KCTD4: variants seen among roughly 807,000 people sequenced by gnomAD.
KCTD4 encodes the protein potassium channel tetramerization domain containing 4.
A neutral mutation model predicts 18.3 loss-of-function variants in KCTD4; 12 were observed. The observed-to-expected ratio is 0.66, with a 90% CI of 0.42 to 1.06. The LOEUF is 1.06. KCTD4 is among the 50% of genes least tolerant of loss of function. The pLI is 0.00. For missense variants in KCTD4, 250 were observed against 303.4 expected (o/e 0.82, Z 1.31); for synonymous variants, 124 against 110.5 (o/e 1.12, Z -0.76).
intron 1 of KCTD4, among the ~76,000 whole-genome samples, chr13:45,200,466 C>T (rs1014975702): frequency 1.3e-5 from 2 of 152,128 alleles, no homozygotes; most frequent in African/African-American, 4.8e-5. Flanking sequence ...CCCACCATAC[C>T]TGGCTAACTT....
rs1037100601 is a variant in KCTD4 at position 45,194,678 on chromosome 13, A to G, written c.-111T>C. ...AGCCCCAGCCTGGTGATGGAATGGA[A>G]ACGCTGGCAGCATCGCCTGCGCTGT... On this transcript the variant is annotated 5_prime_UTR_variant, in exon 2 of 2. Transcript: ENST00000379108. 1.0e-6 allele frequency: 1 copy of G among 1,000,630 alleles called. No homozygotes were observed. The highest frequency in any genetic ancestry group is 1.6e-5 in the African/African-American group (1 of 62,054). 62.0% of individuals were successfully genotyped at this position (1,000,630 alleles called of 1,614,324 possible). A position where few individuals can be genotyped will look rare whatever the true frequency, so the allele number is the denominator to read the frequency against.
intron 1 of KCTD4, among the ~76,000 whole-genome samples, chr13:45,198,759 T>C (rs1395657825): frequency 1.3e-5 from 2 of 152,044 alleles, no homozygotes; most frequent in Non-Finnish European, 2.9e-5. Context: ...TTTCACAAGC[T>C]GAGTTTCTTT....
At chr13:45,198,030 CTCTT>C (rs1171671335) in intron 1 of KCTD4, among the ~76,000 whole-genome samples, 4 of 152,202 alleles carry the variant, frequency 2.6e-5, no homozygotes, top group African/African-American at 9.7e-5. Context: ...AGTACCTTAA[CTCTT>C]TATTAGAGTT....
intron 1 of KCTD4, among the ~76,000 whole-genome samples, chr13:45,197,480 G>T (rs1269128136): frequency 6.8e-6 from 1 of 147,260 alleles, no homozygotes; most frequent in Non-Finnish European, 1.5e-5. Context: ...CTGCACTCCA[G>T]TCTGGGCAAC....
chr13:45,196,065 G>A (rs1306773478), intron 1 of KCTD4, among the ~76,000 whole-genome samples: 1 of 152,116 alleles, frequency 6.6e-6, no homozygotes, highest in African/African-American at 2.4e-5. Context: ...CTTCTAAAAT[G>A]CATACTTCTT....
Position 45,194,708 on chromosome 13 carries a change from T to C in KCTD4, c.-141A>G. ...TGGCAGCATCGCCTGCGCTGTCAGC[T>C]CGGTTTTGCAGTAGGTGGCGTATCA... On this transcript the variant is annotated 5_prime_UTR_variant, in exon 2 of 2. Coordinates refer to ENST00000379108, the MANE Select transcript of KCTD4 (RefSeq NM_198404.3). The C allele has an allele frequency of 1.3e-6, 1 of 748,654 alleles. No individual in the cohort carries two copies. The highest frequency in any genetic ancestry group is 2.2e-6 in the Non-Finnish European group (1 of 450,590). 46.4% of individuals were successfully genotyped at this position (748,654 alleles called of 1,614,324 possible). A position where few individuals can be genotyped will look rare whatever the true frequency, so the allele number is the denominator to read the frequency against.
intron 1 of KCTD4, among the ~76,000 whole-genome samples, chr13:45,195,395 G>C (rs1872840153): frequency 6.6e-6 from 1 of 152,084 alleles, no homozygotes; most frequent in African/African-American, 2.4e-5. Flanking sequence ...CTTCTGTGCT[G>C]AACAAAGACT....
intron 1 of KCTD4, among the ~76,000 whole-genome samples, chr13:45,199,092 CTG>C (rs1873046063): frequency 6.6e-6 from 1 of 152,248 alleles, no homozygotes; most frequent in Non-Finnish European, 1.5e-5. Flanking sequence ...ATCTCACAAA[CTG>C]TGCCAAGTAC....
chr13:45,200,530 G>A (rs953540760), intron 1 of KCTD4, among the ~76,000 whole-genome samples: 3 of 152,128 alleles, frequency 2.0e-5, no homozygotes, highest in African/African-American at 7.2e-5. Flanking sequence ...CTGGGCTCAA[G>A]CTATGCTGCT....
intron 1 of KCTD4, among the ~76,000 whole-genome samples, chr13:45,198,162 G>T (rs1460894414): frequency 6.6e-6 from 1 of 152,136 alleles, no homozygotes; most frequent in Non-Finnish European, 1.5e-5. Context: ...CTAAACTCTG[G>T]CAGAACCTTC....
rs527784178 is a variant in KCTD4 at position 45,194,726 on chromosome 13, G to T, written c.-159C>A. ...TGTCAGCTCGGTTTTGCAGTAGGTG[G>T]CGTATCAGCCTATGTATGCAGGAGC... On this transcript the variant is annotated 5_prime_UTR_variant, in exon 2 of 2. Coordinates refer to ENST00000379108, the MANE Select transcript of KCTD4 (RefSeq NM_198404.3). The T allele has an allele frequency of 4.6e-6, 3 of 654,972 alleles. 1 individual carries two copies. In the Middle Eastern group the frequency reaches 1.3e-3, roughly 278 times the overall value. 40.6% of individuals were successfully genotyped at this position (654,972 alleles called of 1,614,324 possible). A position where few individuals can be genotyped will look rare whatever the true frequency, so the allele number is the denominator to read the frequency against.
chr13:45,199,899 G>A (rs1224531274), intron 1 of KCTD4, among the ~76,000 whole-genome samples: 1 of 152,208 alleles, frequency 6.6e-6, no homozygotes, highest in African/African-American at 2.4e-5. Flanking sequence ...GTGGAGAAGA[G>A]AGAAGAGGAT....
intron 1 of KCTD4, among the ~76,000 whole-genome samples, chr13:45,200,598 T>G (rs921679749): frequency 6.6e-6 from 1 of 152,184 alleles, no homozygotes; most frequent in Non-Finnish European, 1.5e-5. Flanking sequence ...GTGGCAAAAT[T>G]CCTGAAGATC....
At chr13:45,200,266 A>G (rs1473076983) in intron 1 of KCTD4, among the ~76,000 whole-genome samples, 1 of 152,174 alleles carries the variant, frequency 6.6e-6, no homozygotes, top group Non-Finnish European at 1.5e-5. Flanking sequence ...AGGGAGAGAC[A>G]AAACAATGTG....
At chr13:45,198,079 A>G (rs1237976282) in intron 1 of KCTD4, among the ~76,000 whole-genome samples, 4 of 152,218 alleles carry the variant, frequency 2.6e-5, no homozygotes, top group East Asian at 3.8e-4. Context: ...TTAATCATAT[A>G]TAACCAACTT....
In KCTD4 at chr13:45,195,210, C is replaced by T. The variant is rs533625030; in HGVS notation, c.-187-456G>A. On this transcript the variant is annotated intron_variant, in intron 1 of 1. Transcript: ENST00000379108. ...AATTTAATTGGATTTGCATATGATT[C>T]TGATTTGGAGATCTATGTTAAAGGA... Among the ~76,000 whole-genome samples, 6 of 152,008 alleles carry T rather than the reference C, an allele frequency of 3.9e-5. No homozygotes were observed. In the South Asian group the frequency reaches 1.2e-3, roughly 32 times the overall value.
rs1593488075 is a variant in KCTD4 at position 45,200,953 on chromosome 13, A to C, written c.-317T>G. 6.6e-6 allele frequency among the ~76,000 whole-genome samples: 1 copy of C among 152,324 alleles called. No homozygotes were observed. The highest frequency in any genetic ancestry group is 1.9e-4 in the East Asian group (1 of 5,186). On this transcript the variant is annotated 5_prime_UTR_variant, in exon 1 of 2. Coordinates refer to ENST00000379108, the MANE Select transcript of KCTD4 (RefSeq NM_198404.3). ...GGAGGATCAGCCTGAAATGTTGGTC[A>C]GTAGTCCTCTGGTCTGGGTTTTTAC...
At position 45,194,247 on chromosome 13, in the gene KCTD4, A is replaced by C; in HGVS notation, c.321T>G (p.Asn107Lys). 1 of 1,614,094 alleles carries C rather than the reference A, an allele frequency of 6.2e-7. No homozygotes were observed. Among genetic ancestry groups the C allele is most frequent in the Non-Finnish European group, 8.5e-7 (1 of 1,180,014 alleles). The change falls in exon 2 of 2, where the codon AAT (asparagine) becomes AAG (lysine). Residue 107 changes from asparagine to lysine, a missense_variant. Coordinates refer to ENST00000379108, the MANE Select transcript of KCTD4 (RefSeq NM_198404.3). The stretch of plus-strand genomic sequence containing the variant: ...ATTCTGCTTCTTGTGCAAGAAGTTG[A>C]TTTTCTCGAAACCCTTCGGGCAATA... Reference protein sequence around the residue: ...ELLLPEGFRENQLLAQEAEFF... With the variant: ...ELLLPEGFREKQLLAQEAEFF...
intron 1 of KCTD4, 51 bp from the exon 2 acceptor site, chr13:45,194,805 A>G: frequency 3.9e-6 from 2 of 511,688 alleles, no homozygotes; most frequent in Non-Finnish European, 6.9e-6. Flanking sequence ...CAGGGAAGGG[A>G]TTTGTTGTGA....
Sources: allele counts gnomAD v4.1 joint callset (sites outside exome capture counted in the v4.1 genomes callset), GRCh38; gene constraint gnomAD v4.1.1; transcripts MANE v1.5; gene names NCBI Gene and HGNC (gene_info 2026-07-23, HGNC 2026-07-21).